BCAR3: variants seen among roughly 807,000 people sequenced by gnomAD.
BCAR3 encodes the protein breast cancer anti-estrogen resistance protein 3.
BCAR3 carries 37 observed loss-of-function variants against 80.1 expected under a neutral mutation model. That is an observed-to-expected ratio of 0.46 (90% CI 0.36 to 0.61). The LOEUF (loss-of-function observed/expected upper bound fraction) is 0.61. Ranked by LOEUF, BCAR3 falls within the 20% of genes least tolerant of loss-of-function variation. BCAR3 has a pLI of 0.00. For synonymous variants in BCAR3, 389 were observed against 418.9 expected (o/e 0.93, Z 0.87); for missense variants, 978 against 1,068.2 (o/e 0.92, Z 1.18).
rs889604043 is a variant in BCAR3, at chr1:93,832,133, A to G, written c.-63+13434T>C. Among the ~76,000 whole-genome samples, 4 of 152,296 alleles carry G rather than the reference A, an allele frequency of 2.6e-5. No individual in the cohort carries two copies. In the East Asian group the frequency reaches 7.7e-4, roughly 29 times the overall value. ...TAGATTCCGGCCCTCAAACCCCATA[A>G]CAGGACTTGATTAACTTCGCCTTCA... On this transcript the variant is annotated intron_variant, in intron 2 of 13. Coordinates refer to the BCAR3 transcript ENST00000370244.
In BCAR3 at chr1:93,589,099, G is replaced by A; in HGVS notation, c.807C>T (p.Ser269=). 1 of 1,612,962 alleles carries A rather than the reference G, an allele frequency of 6.2e-7. No individual in the cohort carries two copies. The highest frequency in any genetic ancestry group is 8.5e-7 in the Non-Finnish European group (1 of 1,179,496). ...GGCTGCCCTCCCGGGCCTGGCCTGG[G>A]GAGGTGCCATAATGCTCCTCCAGGC... is the stretch of plus-strand genomic sequence containing the variant. ...LRCLEEHYGT[S]PGQAREGSLT... is the part of the protein sequence containing the mutation. Residue 269 remains serine (S), a synonymous_variant, in exon 5 of 12, where the codon TCC becomes TCT. Transcript: ENST00000260502.
At chr1:93,678,506 A>G (rs1648598455) in intron 1 of BCAR3, among the ~76,000 whole-genome samples, 1 of 152,162 alleles carries the variant, frequency 6.6e-6, no homozygotes, top group Admixed American at 6.5e-5. Context: ...ATTTTTCTAG[A>G]TAAGGGAAAT....
At chr1:93,692,452 G>A (rs750874600) in intron 3 of BCAR3, among the ~76,000 whole-genome samples, 1 of 152,212 alleles carries the variant, frequency 6.6e-6, no homozygotes, top group East Asian at 1.9e-4. Flanking sequence ...CAAAGAGGGA[G>A]AGAGCACCAA....
At chr1:93,611,542 T>C (rs1297638896) in intron 3 of BCAR3, among the ~76,000 whole-genome samples, 1 of 152,232 alleles carries the variant, frequency 6.6e-6, no homozygotes, top group Non-Finnish European at 1.5e-5. Flanking sequence ...ATTAAAGTCA[T>C]GACCCTCAAC....
chr1:93,825,101 C>T (rs1319086101), intron 2 of BCAR3, among the ~76,000 whole-genome samples: 3 of 134,040 alleles, frequency 2.2e-5, no homozygotes, highest in African/African-American at 7.5e-5. Flanking sequence ...CTCTGGGTGA[C>T]GTATAACATT....
At chr1:93,703,480 T>C (rs1649720561) in intron 3 of BCAR3, among the ~76,000 whole-genome samples, 1 of 151,762 alleles carries the variant, frequency 6.6e-6, no homozygotes, top group South Asian at 2.1e-4. Flanking sequence ...GGCCAGCGGA[T>C]TGCTTGAGCC....
intron 11 of BCAR3, among the ~76,000 whole-genome samples, chr1:93,564,521 G>A (rs1464942430): frequency 1.3e-5 from 2 of 151,478 alleles, no homozygotes; most frequent in Non-Finnish European, 2.9e-5. Context: ...CAGGTGATCC[G>A]CCTGCCTCAG....
At chr1:93,810,367 TC>T (rs1653794172) in intron 2 of BCAR3, among the ~76,000 whole-genome samples, 1 of 152,152 alleles carries the variant, frequency 6.6e-6, no homozygotes, top group Non-Finnish European at 1.5e-5. Context: ...CCTTAAGTTT[TC>T]CCTTAGCACA....
chr1:93,649,555 C>A (rs1452756538), intron 2 of BCAR3, among the ~76,000 whole-genome samples: 2 of 150,264 alleles, frequency 1.3e-5, no homozygotes, highest in East Asian at 2.0e-4. Flanking sequence ...AAAAAAAAAT[C>A]ATGTAGCTGG....
chr1:93,729,838 G>A (rs1650720300), intron 2 of BCAR3, among the ~76,000 whole-genome samples: 1 of 152,226 alleles, frequency 6.6e-6, no homozygotes, highest in African/African-American at 2.4e-5. Context: ...GGCCACATCA[G>A]CTTGCACTAA....
intron 2 of BCAR3, among the ~76,000 whole-genome samples, chr1:93,656,335 T>G (rs1360829838): frequency 2.0e-5 from 3 of 152,178 alleles, no homozygotes; most frequent in Non-Finnish European, 4.4e-5. Flanking sequence ...TTTCATACTT[T>G]CCATTGCCTT....
chr1:93,639,109 C>A (rs1403320018), intron 3 of BCAR3, among the ~76,000 whole-genome samples: 1 of 152,198 alleles, frequency 6.6e-6, no homozygotes, highest in African/African-American at 2.4e-5. Flanking sequence ...CCCAACAGCC[C>A]TGGGGCTTCC....
At chr1:93,585,166 ACCT>A in intron 5 of BCAR3, 1 of 985,456 alleles carries the variant, frequency 1.0e-6, no homozygotes, top group South Asian at 4.7e-5. Flanking sequence ...GTGGAATGCA[ACCT>A]GCCTGTGAGC....
chr1:93,816,164 C>G (rs139077178), intron 2 of BCAR3, among the ~76,000 whole-genome samples: 128 of 152,228 alleles, frequency 8.4e-4, no homozygotes, highest in African/African-American at 2.9e-3. Flanking sequence ...AGTGCTATAC[C>G]TGGCACACAG....
intron 3 of BCAR3, among the ~76,000 whole-genome samples, chr1:93,620,330 C>G (rs575709570): frequency 1.3e-5 from 2 of 152,366 alleles, no homozygotes; most frequent in South Asian, 4.1e-4. Context: ...GTTTTAATCA[C>G]ACTTGCCCAG....
intron 2 of BCAR3, among the ~76,000 whole-genome samples, chr1:93,827,441 G>A (rs978507509): frequency 1.3e-5 from 2 of 151,992 alleles, no homozygotes; most frequent in African/African-American, 4.8e-5. Flanking sequence ...GGGGAGTCTA[G>A]CAGACTGTGA....
At chr1:93,845,584 C>T (rs957834682) in exon 2 of BCAR3, 2 of 149,978 alleles carry the variant, frequency 1.3e-5, no homozygotes, top group Non-Finnish European at 3.0e-5. Flanking sequence ...AGAAGCGATT[C>T]ACAATTCGCA....
rs574263904 is a variant in BCAR3 at position 93,630,191 on chromosome 1, T to C, written c.357+12113A>G. Among the ~76,000 whole-genome samples, 7 of 152,348 alleles carry C rather than the reference T, an allele frequency of 4.6e-5. No homozygotes were observed. In the South Asian group the frequency reaches 1.4e-3, roughly 32 times the overall value. ...TATGCCTGTATCAAAATATCTCATA[T>C]ACACCTACTCTGTACTCACAAAAAT... On this transcript the variant is annotated intron_variant, in intron 3 of 11. Coordinates refer to ENST00000260502, the MANE Select transcript of BCAR3 (RefSeq NM_003567.4).
intron 1 of BCAR3, among the ~76,000 whole-genome samples, chr1:93,846,523 T>C (rs886726790): frequency 4.6e-5 from 7 of 152,026 alleles, no homozygotes; most frequent in African/African-American, 1.7e-4. Context: ...ACTGGAAACC[T>C]GCCGGCCCCC....
Sources: allele counts gnomAD v4.1 joint callset (sites outside exome capture counted in the v4.1 genomes callset), GRCh38; gene constraint gnomAD v4.1.1; transcripts MANE v1.5; gene names NCBI Gene and HGNC (gene_info 2026-07-23, HGNC 2026-07-21).